Variants in LRRC8A observed in about 807,000 individuals in gnomAD.
LRRC8A encodes volume-regulated anion channel subunit LRRC8A.
Under a neutral mutation model 52.5 loss-of-function variants are expected in LRRC8A, and 24 were observed. That is an observed-to-expected ratio of 0.46 (90% confidence interval 0.33 to 0.64). LRRC8A has a LOEUF of 0.64. Among genes scored for constraint, LRRC8A ranks in the 30% least tolerant of loss-of-function variants. The pLI is 0.02. For synonymous variants in LRRC8A, 492 were observed against 494.2 expected, an observed-to-expected ratio of 1.00 and a Z score of 0.06; for missense variants, 677 against 1,094.7, an observed-to-expected ratio of 0.62 and a Z score of 5.38.
intron 2 of LRRC8A, among the ~76,000 whole-genome samples, chr9:128,906,316 A>ATTTTTTTTTTTTT (rs71383620): frequency 1.3e-5 from 1 of 79,270 alleles, no homozygotes; most frequent in South Asian, 4.3e-4. Flanking sequence ...CCCATGTGGA[A>ATTTTTTTTTTTTT]TTTTTTTTTT....
chr9:128,890,528 C>A (rs536168524), intron 2 of LRRC8A, among the ~76,000 whole-genome samples: 7 of 152,134 alleles, frequency 4.6e-5, no homozygotes, highest in Non-Finnish European at 4.4e-5. Context: ...GCAGCGGGGG[C>A]GGTGGGCGGG....
intron 2 of LRRC8A, among the ~76,000 whole-genome samples, chr9:128,887,378 G>T (rs189217485): frequency 2.0e-5 from 3 of 152,010 alleles, no homozygotes; most frequent in Non-Finnish European, 4.4e-5. Flanking sequence ...TGCCCAGGCT[G>T]GTCTCGAACT....
rs1233488910 is a variant in LRRC8A, at chr9:128,902,126, C to T, written c.-8-5031C>T. The stretch of plus-strand genomic sequence containing the variant: ...CAGCCCCAGGCTCTGCCATTGGAAC[C>T]CCAGGGCCCTCCTCCACTCCCCAGA... On this transcript the variant is annotated intron_variant, in intron 2 of 3. Transcript: ENST00000372600. The surrounding 1 kb of genome is among the most constrained non-coding windows in gnomAD (Gnocchi z 4.1). 6.6e-6 allele frequency among the ~76,000 whole-genome samples: 1 copy of T among 152,240 alleles called. No homozygotes were observed. Among genetic ancestry groups the T allele is most frequent in the African/African-American group, 2.4e-5 (1 of 41,464 alleles).
At chr9:128,913,461 C>T (rs368940542) in intron 3 of LRRC8A, among the ~76,000 whole-genome samples, 39 of 152,070 alleles carry the variant, frequency 2.6e-4, no homozygotes, top group Non-Finnish European at 3.5e-4. Flanking sequence ...GGGCACGGGC[C>T]GGCGACAATC....
chr9:128,907,388 C>T lies in LRRC8A; in HGVS notation c.224C>T (p.Pro75Leu). 1.2e-6 allele frequency: 2 copies of T among 1,613,526 alleles called. No individual in the cohort carries two copies. The highest frequency in any genetic ancestry group is 1.7e-6 in the Non-Finnish European group (2 of 1,180,032). ...GATTCGTTCCGGGGCTGGGCAGCCC[C>T]TGGCCCGGAGCCCACCTACCCCAAC... ...CNDSFRGWAA[P>L]GPEPTYPNST... Residue 75 changes from proline to leucine, a missense_variant, in exon 3 of 4, where the codon CCT (proline) becomes CTT (leucine). By Grantham distance (98) the Pro-to-Leu change is moderately conservative. Around this residue, in one of 4 missense-constraint regions of LRRC8A, gnomAD observed 54 missense variants for 49.7 expected, o/e 1.09. Transcript: ENST00000372600. This position sits in a 1 kb window ranked among gnomAD's most constrained non-coding sequence, Gnocchi z 9.3.
chr9:128,909,278 G>T lies in LRRC8A; in HGVS notation c.2114G>T (p.Gly705Val). The change falls in exon 3 of 4, where the codon GGC becomes GTC. Residue 705 changes from glycine (G) to valine (V), a missense_variant. By Grantham distance (109) the Gly-to-Val change is moderately radical. This residue lies in a region of LRRC8A where 169 missense variants were observed against 217.6 expected (regional missense o/e 0.78). Coordinates refer to ENST00000372600, the MANE Select transcript of LRRC8A (RefSeq NM_019594.4). ...NNLTFLPADI[G>V]LLQNLQNLAI... is the part of the protein sequence containing the mutation. ...CTGACCTTCCTCCCTGCCGACATCG[G>T]CCTCCTGCAGAACCTCCAGAACCTA... The T allele has an allele frequency of 6.2e-7, 1 of 1,613,826 alleles. No individual in the cohort carries two copies. Among genetic ancestry groups the T allele is most frequent in the Non-Finnish European group, 8.5e-7 (1 of 1,180,042 alleles).
Position 128,907,562 on chromosome 9 carries a change from C to T in LRRC8A, c.398C>T (p.Thr133Met), listed in dbSNP as rs779726996. ...KYFPYLVLLH[T>M]LIFLACSNFW... is the part of the protein sequence containing the mutation. ...TTCCCCTACCTGGTGCTTCTGCACACGCTCATCTTCCTGGCCTGCAGCAAC... is the reference window on the plus strand; with the variant it reads ...TTCCCCTACCTGGTGCTTCTGCACATGCTCATCTTCCTGGCCTGCAGCAAC... Residue 133 changes from threonine to methionine, a missense_variant, in exon 3 of 4, where the codon ACG (threonine) becomes ATG (methionine). This residue lies in a region of LRRC8A where 422 missense variants were observed against 741.5 expected (regional missense o/e 0.57). Coordinates refer to ENST00000372600, the MANE Select transcript of LRRC8A (RefSeq NM_019594.4). This position sits in a 1 kb window ranked among gnomAD's most constrained non-coding sequence, Gnocchi z 9.3. The T allele has an allele frequency of 9.9e-6, 16 of 1,614,196 alleles. No individual in the cohort carries two copies. The highest frequency in any genetic ancestry group is 2.2e-5 in the East Asian group (1 of 44,882).
chr9:128,911,429 G>A lies in LRRC8A; in HGVS notation c.2157+2108G>A, dbSNP rs1034973677. Among the ~76,000 whole-genome samples, 1 of 152,210 alleles carries A rather than the reference G, an allele frequency of 6.6e-6. No individual in the cohort carries two copies. The highest frequency in any genetic ancestry group is 1.9e-4 in the East Asian group (1 of 5,204). On this transcript the variant is annotated intron_variant, in intron 3 of 3. Transcript: ENST00000372600. This position sits in a 1 kb window ranked among gnomAD's most constrained non-coding sequence, Gnocchi z 4.9. ...AATAGGAAAACTGGAGTCCCCTGGG[G>A]AGAAGCCACATTTGGGAAGCACAGA... is the stretch of plus-strand genomic sequence containing the variant.
rs1378781401 is a variant in LRRC8A at position 128,908,222 on chromosome 9, T to C, written c.1058T>C (p.Phe353Ser). ...CGGCGCTCCCTCAAGAAGTACTCGTTTGAGTCGATCCGTGAGGAGAGCAGC... is the reference window on the plus strand; with the variant it reads ...CGGCGCTCCCTCAAGAAGTACTCGTCTGAGTCGATCCGTGAGGAGAGCAGC... ...MLRRSLKKYSFESIREESSYS... is the reference protein window; with the variant it reads ...MLRRSLKKYSSESIREESSYS... The change falls in exon 3 of 4, where the codon TTT (phenylalanine) becomes TCT (serine). Residue 353 changes from phenylalanine (F) to serine (S), a missense_variant. Transcript: ENST00000372600. The C allele has an allele frequency of 6.2e-7, 1 of 1,614,092 alleles. No homozygotes were observed. Among genetic ancestry groups the C allele is most frequent in the Non-Finnish European group, 8.5e-7 (1 of 1,180,014 alleles).
chr9:128,907,096 C>T lies in LRRC8A; in HGVS notation c.-8-61C>T. On this transcript the variant is annotated intron_variant, in intron 2 of 3. Coordinates refer to ENST00000372600, the MANE Select transcript of LRRC8A (RefSeq NM_019594.4). The surrounding 1 kb of genome is among the most constrained non-coding windows in gnomAD (Gnocchi z 9.3). ...ATTTTCATTGTCTTCTTCCCCTGAC[C>T]CCTGGTCCTAGGAAAGCCAGGCCAC... is the stretch of plus-strand genomic sequence containing the variant. The T allele has an allele frequency of 3.0e-6, 4 of 1,325,144 alleles. No homozygotes were observed. The highest frequency in any genetic ancestry group is 4.2e-6 in the Non-Finnish European group (4 of 951,014). The allele number at this position is 1,325,144 out of a possible 1,614,324, so 82.1% of individuals were successfully genotyped here.
In LRRC8A at chr9:128,911,484, G is replaced by A. The variant is rs1399862728; in HGVS notation, c.2157+2163G>A. Reference sequence around the variant, plus strand: ...ACCCAGCCCTTCTTTAATCTGTGGAGGGGGAGACCCTGTGGCTTCCCCATA... The same window carrying A: ...ACCCAGCCCTTCTTTAATCTGTGGAAGGGGAGACCCTGTGGCTTCCCCATA... On this transcript the variant is annotated intron_variant, in intron 3 of 3. Transcript: ENST00000372600. This position sits in a 1 kb window ranked among gnomAD's most constrained non-coding sequence, Gnocchi z 4.9. 6.6e-6 allele frequency among the ~76,000 whole-genome samples: 1 copy of A among 152,178 alleles called. No individual in the cohort carries two copies. The highest frequency in any genetic ancestry group is 2.4e-5 in the African/African-American group (1 of 41,440).
chr9:128,884,602 T>C (rs533681246), intron 1 of LRRC8A, among the ~76,000 whole-genome samples: 1 of 152,256 alleles, frequency 6.6e-6, no homozygotes, highest in Admixed American at 6.5e-5. Flanking sequence ...GAATTAGCTC[T>C]GGGTGGTTAT....
In LRRC8A at chr9:128,899,346, G is replaced by A. The variant is rs551414860; in HGVS notation, c.-8-7811G>A. 1.6e-4 allele frequency among the ~76,000 whole-genome samples: 24 copies of A among 152,028 alleles called. No individual in the cohort carries two copies. Among genetic ancestry groups the A allele is most frequent in the African/African-American group, 5.8e-4 (24 of 41,462 alleles). On this transcript the variant is annotated intron_variant, in intron 2 of 3. Coordinates refer to ENST00000372600, the MANE Select transcript of LRRC8A (RefSeq NM_019594.4). The surrounding 1 kb of genome is among the most constrained non-coding windows in gnomAD (Gnocchi z 4.0). ...CGCCTCAAAGGCTCCCTTCCCTTCC[G>A]GGGCATTTCTGACCACACCCAGGTG...
intron 1 of LRRC8A, among the ~76,000 whole-genome samples, chr9:128,883,183 TC>T (rs1337097280): frequency 6.6e-6 from 1 of 152,172 alleles, no homozygotes; most frequent in Non-Finnish European, 1.5e-5. Flanking sequence ...TGACTCCTCT[TC>T]CCCTGCCCTA....
intron 2 of LRRC8A, among the ~76,000 whole-genome samples, chr9:128,890,659 C>A (rs1397229726): frequency 6.6e-6 from 1 of 152,146 alleles, no homozygotes; most frequent in East Asian, 1.9e-4. Context: ...TCTGTCAGAC[C>A]CCCCAGTCCT....
At position 128,909,110 on chromosome 9, in the gene LRRC8A, A is replaced by G; in HGVS notation, c.1946A>G (p.Asn649Ser). 6.2e-7 allele frequency: 1 copy of G among 1,614,122 alleles called. No homozygotes were observed. The highest frequency in any genetic ancestry group is 8.5e-7 in the Non-Finnish European group (1 of 1,180,026). ...CTCACCTGCCTTAAGCTGTGGTACAACCACATCGCCTACATCCCCATCCAG... is the reference window on the plus strand; with the variant it reads ...CTCACCTGCCTTAAGCTGTGGTACAGCCACATCGCCTACATCCCCATCCAG... Reference protein sequence around the residue: ...HRLTCLKLWYNHIAYIPIQIG... With the variant: ...HRLTCLKLWYSHIAYIPIQIG... Residue 649 changes from asparagine to serine, a missense_variant, in exon 3 of 4, where the codon AAC becomes AGC. Asn to Ser is a conservative substitution (Grantham distance 46, BLOSUM62 1). This residue lies in a region of LRRC8A where 169 missense variants were observed against 217.6 expected (regional missense o/e 0.78). Transcript: ENST00000372600.
rs1839949107 is a variant in LRRC8A, at chr9:128,899,574, A to G, written c.-8-7583A>G. The stretch of plus-strand genomic sequence containing the variant: ...ACACCTTAAAAAAAAAAGCCTTAAC[A>G]AAAGGACATTCTCATATGTGTTAGA... On this transcript the variant is annotated intron_variant, in intron 2 of 3. Transcript: ENST00000372600. The surrounding 1 kb of genome is among the most constrained non-coding windows in gnomAD (Gnocchi z 4.0). Among the ~76,000 whole-genome samples, 1 of 152,120 alleles carries G rather than the reference A, an allele frequency of 6.6e-6. No homozygotes were observed. Among genetic ancestry groups the G allele is most frequent in the African/African-American group, 2.4e-5 (1 of 41,414 alleles).
rs11999754 is a variant in LRRC8A at position 128,909,332 on chromosome 9, C to G, written c.2157+11C>G. On this transcript the variant is annotated intron_variant, in intron 3 of 3. Transcript: ENST00000372600. ...ATCACGGCCAACCGGGTGAGTGGCC[C>G]GGCCACAGCTCTGCGTGTGGGCTGG... is the stretch of plus-strand genomic sequence containing the variant. 6.2e-7 allele frequency: 1 copy of G among 1,609,206 alleles called. No homozygotes were observed. The highest frequency in any genetic ancestry group is 1.1e-5 in the South Asian group (1 of 90,962).
chr9:128,913,114 C>T (rs1474810581), intron 3 of LRRC8A, among the ~76,000 whole-genome samples: 1 of 152,014 alleles, frequency 6.6e-6, no homozygotes, highest in Non-Finnish European at 1.5e-5. Flanking sequence ...GGGAGAAGGA[C>T]AGGAGTCTGC....
Sources: allele counts gnomAD v4.1 joint callset (sites outside exome capture counted in the v4.1 genomes callset), GRCh38; gene constraint gnomAD v4.1.1; regional missense constraint gnomAD v4.1.1; non-coding constraint Gnocchi (gnomAD v3.1); transcripts MANE v1.5; gene names NCBI Gene and HGNC (gene_info 2026-07-23, HGNC 2026-07-21).